Variants in KAT6A observed in about 807,000 individuals in gnomAD.
KAT6A encodes lysine acetyltransferase 6A, also known as histone acetyltransferase KAT6A.
A neutral mutation model predicts 198.4 loss-of-function variants in KAT6A; 9 were observed. The ratio of observed to expected loss-of-function variants is 0.05; its 90% CI spans 0.03 to 0.08. KAT6A has a LOEUF of 0.08. KAT6A is among the 10% of genes least tolerant of loss of function. The pLI, the probability that KAT6A is intolerant of heterozygous loss-of-function variation, is 1.00. For synonymous variants in KAT6A, 890 were observed against 883.0 expected (o/e 1.01, Z -0.14); for missense variants, 2,077 against 2,509.9 (o/e 0.83, Z 3.69).
intron 2 of KAT6A, among the ~76,000 whole-genome samples, chr8:42,027,178 A>G (rs978624246): frequency 2.0e-5 from 3 of 152,060 alleles, no homozygotes; most frequent in Non-Finnish European, 4.4e-5. Context: ...TGGATTGTCT[A>G]TCAGTATTTT....
At chr8:41,979,039 G>A (rs779450479) in intron 5 of KAT6A, among the ~76,000 whole-genome samples, 5 of 152,166 alleles carry the variant, frequency 3.3e-5, no homozygotes, top group Non-Finnish European at 7.3e-5. Flanking sequence ...AGGCTGAGGC[G>A]GGTGGATCAC....
chr8:41,997,348 C>T (rs1473073299), intron 2 of KAT6A, among the ~76,000 whole-genome samples: 1 of 151,686 alleles, frequency 6.6e-6, no homozygotes, highest in Admixed American at 6.6e-5. Context: ...TCCTGTGGAA[C>T]CCTAGGAATA....
chr8:42,020,790 C>T (rs1476662226), intron 2 of KAT6A, among the ~76,000 whole-genome samples: 2 of 152,016 alleles, frequency 1.3e-5, no homozygotes, highest in Non-Finnish European at 2.9e-5. Flanking sequence ...AGCAAAATCC[C>T]CAAAGGAAAA....
At chr8:41,942,730 A>T in intron 14 of KAT6A, 63 bp downstream of exon 14, 2 of 1,525,916 alleles carry the variant, frequency 1.3e-6, no homozygotes, top group Non-Finnish European at 1.8e-6. Flanking sequence ...CATTATTATA[A>T]ATACTCATGA....
At chr8:42,033,291 GC>G (rs759669721) in intron 2 of KAT6A, among the ~76,000 whole-genome samples, 3 of 152,092 alleles carry the variant, frequency 2.0e-5, no homozygotes, top group Admixed American at 2.0e-4. Flanking sequence ...GCTTTAAAAG[GC>G]AGTAAGTAAA....
At chr8:41,946,051 C>T (rs1048642777) in intron 12 of KAT6A, among the ~76,000 whole-genome samples, 6 of 150,990 alleles carry the variant, frequency 4.0e-5, no homozygotes, top group Middle Eastern at 3.5e-3. Context: ...AAAAAAAATT[C>T]GTGTCCAACC....
intron 2 of KAT6A, among the ~76,000 whole-genome samples, chr8:42,046,064 G>A (rs1802275868): frequency 6.6e-6 from 1 of 152,164 alleles, no homozygotes; most frequent in South Asian, 2.1e-4. Flanking sequence ...TAAGGACTTG[G>A]ATTAGACGGT....
chr8:41,931,589 G>A lies in KAT6A; in HGVS notation c.*616C>T. ...AGGTGTGTGTGTGTGAGGAGTGGAG[G>A]GGATTTTAAAAGGAGAAGCATTTTC... On this transcript the variant is annotated 3_prime_UTR_variant, in exon 17 of 17. Coordinates refer to ENST00000265713, the MANE Select transcript of KAT6A (RefSeq NM_006766.5). 5.0e-6 allele frequency: 1 copy of A among 200,414 alleles called. No individual in the cohort carries two copies. The highest frequency in any genetic ancestry group is 1.0e-5 in the Non-Finnish European group (1 of 97,284). 12.4% of individuals were successfully genotyped at this position (200,414 alleles called of 1,614,324 possible).
chr8:41,985,997 G>C (rs71521564), intron 3 of KAT6A, among the ~76,000 whole-genome samples: 1 of 152,114 alleles, frequency 6.6e-6, no homozygotes, highest in Non-Finnish European at 1.5e-5. Context: ...CTGGAGTGCA[G>C]TGACGCCATC....
At position 41,945,461 on chromosome 8, in the gene KAT6A, G is replaced by A. The variant is rs1016222591; in HGVS notation, c.1996+1130C>T. Among the ~76,000 whole-genome samples the A allele has an allele frequency of 3.3e-5, 5 of 151,754 alleles. No homozygotes were observed. The East Asian group carries it at 7.8e-4, about 24-fold the overall frequency. On this transcript the variant is annotated intron_variant, in intron 12 of 16. Coordinates refer to ENST00000265713, the MANE Select transcript of KAT6A (RefSeq NM_006766.5). ...AATTTTTTGTATTTTTAGTAGAGACGAGGTTTCACCATGTTGGGCAGGCTG... is the reference window on the plus strand; with the variant it reads ...AATTTTTTGTATTTTTAGTAGAGACAAGGTTTCACCATGTTGGGCAGGCTG...
In KAT6A at chr8:41,932,283, T is replaced by C; in HGVS notation, c.5937A>G (p.Thr1979=). The change falls in exon 17 of 17, where the codon ACA becomes ACG. Residue 1979 remains threonine (T), a synonymous_variant. Transcript: ENST00000265713. ...QPNPHGNMMY[T]GPSHHSYMNA... ...TCATGTAGCTGTGATGGGAGGGGCCTGTGTACATCATGTTCCCATGAGGGT... is the reference window on the plus strand; with the variant it reads ...TCATGTAGCTGTGATGGGAGGGGCCCGTGTACATCATGTTCCCATGAGGGT... 1 of 1,614,178 alleles carries C rather than the reference T, an allele frequency of 6.2e-7. No homozygotes were observed. Among genetic ancestry groups the C allele is most frequent in the Non-Finnish European group, 8.5e-7 (1 of 1,180,018 alleles).
intron 2 of KAT6A, among the ~76,000 whole-genome samples, chr8:42,024,998 T>C (rs1408360693): frequency 1.3e-5 from 2 of 152,188 alleles, no homozygotes; most frequent in Non-Finnish European, 2.9e-5. Context: ...GCAATTCTAC[T>C]TTCAGTTTTT....
intron 2 of KAT6A, among the ~76,000 whole-genome samples, chr8:42,001,564 G>T (rs547047956): frequency 5.9e-5 from 9 of 152,254 alleles, no homozygotes; most frequent in African/African-American, 2.2e-4. Context: ...AAAAAAACAA[G>T]TATGTCATTT....
intron 2 of KAT6A, among the ~76,000 whole-genome samples, chr8:41,996,379 T>C (rs1268923100): frequency 3.3e-5 from 5 of 152,186 alleles, no homozygotes; most frequent in African/African-American, 1.2e-4. Flanking sequence ...TAAAAGAGTA[T>C]GGAAGAAGTA....
At chr8:41,939,019 AATG>A (rs1324312984) in intron 15 of KAT6A, among the ~76,000 whole-genome samples, 1 of 152,008 alleles carries the variant, frequency 6.6e-6, no homozygotes, top group Non-Finnish European at 1.5e-5. Context: ...AGGAGCTTCT[AATG>A]GTCAAAACTG....
intron 2 of KAT6A, among the ~76,000 whole-genome samples, chr8:41,990,334 T>C (rs1361074464): frequency 2.0e-5 from 3 of 152,098 alleles, no homozygotes; most frequent in Admixed American, 6.5e-5. Flanking sequence ...AAAGATAAAA[T>C]TGTCAGGACT....
At chr8:42,017,152 T>C (rs1490394789) in intron 2 of KAT6A, among the ~76,000 whole-genome samples, 1 of 152,224 alleles carries the variant, frequency 6.6e-6, no homozygotes, top group African/African-American at 2.4e-5. Flanking sequence ...TCTCTATCAC[T>C]GGCACATAGT....
intron 2 of KAT6A, among the ~76,000 whole-genome samples, chr8:41,996,943 A>G (rs143531871): frequency 3.1e-4 from 47 of 152,322 alleles, no homozygotes; most frequent in African/African-American, 1.1e-3. Flanking sequence ...TATATATTAT[A>G]TGATTCCATT....
rs779024326 is a variant in KAT6A, at chr8:41,933,438, GGAC to G, written c.4779_4781del (p.Ser1597del). ...AGCTGCTCTGGGTGAGGCTGCTGGA[GGAC>G]GACAGCCCACCGTAGGAGCAGCTGC... On this transcript the variant is annotated inframe_deletion, in exon 17 of 17. Coordinates refer to ENST00000265713, the MANE Select transcript of KAT6A (RefSeq NM_006766.5). The surrounding 1 kb of genome is among the most constrained non-coding windows in gnomAD (Gnocchi z 6.2). 4.2e-5 allele frequency: 67 copies of G among 1,612,538 alleles called. No homozygotes were observed. The highest frequency in any genetic ancestry group is 5.3e-5 in the Non-Finnish European group (62 of 1,179,450).
Sources: allele counts gnomAD v4.1 joint callset (sites outside exome capture counted in the v4.1 genomes callset), GRCh38; gene constraint gnomAD v4.1.1; non-coding constraint Gnocchi (gnomAD v3.1); transcripts MANE v1.5; gene names NCBI Gene and HGNC (gene_info 2026-07-23, HGNC 2026-07-21).